Variants in DVL3 observed in about 807,000 individuals in gnomAD.
DVL3 encodes segment polarity protein dishevelled homolog DVL-3.
Under a neutral mutation model 67.4 loss-of-function variants are expected in DVL3, and 27 were observed. The ratio of observed to expected loss-of-function variants is 0.40; its 90% CI spans 0.30 to 0.55. DVL3 has a LOEUF of 0.55. Ranked by LOEUF, DVL3 falls within the 20% of genes least tolerant of loss-of-function variation. The pLI is 0.46. For missense variants in DVL3, 819 were observed against 1,021.5 expected (o/e 0.80, Z 2.70); for synonymous variants, 369 against 396.8 (o/e 0.93, Z 0.83).
Position 184,167,846 on chromosome 3 carries a change from G to A in DVL3, c.1331-52G>A. The A allele has an allele frequency of 6.2e-7, 1 of 1,613,416 alleles. No homozygotes were observed. The highest frequency in any genetic ancestry group is 8.5e-7 in the Non-Finnish European group (1 of 1,179,660). On this transcript the variant is annotated intron_variant, in intron 12 of 14. Transcript: ENST00000313143. The surrounding 1 kb of genome is among the most constrained non-coding windows in gnomAD (Gnocchi z 4.6). ...CAGCCTCATAGCTTCTGTGAGGCCA[G>A]ATGAGTCCAAGTCAGATGGGCCTCC...
At position 184,165,237 on chromosome 3, in the gene DVL3, G is replaced by A. The variant is rs1390575696; in HGVS notation, c.693+31G>A. ...GGGTCTGGGAGGCTAGGGATGGGTGGAGGCAGATTGTGAGCCCTTCCTACG... is the reference window on the plus strand; with the variant it reads ...GGGTCTGGGAGGCTAGGGATGGGTGAAGGCAGATTGTGAGCCCTTCCTACG... On this transcript the variant is annotated intron_variant, in intron 6 of 14. Coordinates refer to ENST00000313143, the MANE Select transcript of DVL3 (RefSeq NM_004423.4). The surrounding 1 kb of genome is among the most constrained non-coding windows in gnomAD (Gnocchi z 4.1). 2 of 1,567,476 alleles carry A rather than the reference G, an allele frequency of 1.3e-6. No homozygotes were observed. The highest frequency in any genetic ancestry group is 2.3e-5 in the East Asian group (1 of 44,434).
chr3:184,163,526 T>C lies in DVL3; in HGVS notation c.162-131T>C. 2.3e-6 allele frequency: 2 copies of C among 877,104 alleles called. No homozygotes were observed. The highest frequency in any genetic ancestry group is 1.9e-6 in the Non-Finnish European group (1 of 512,926). The allele number at this position is 877,104 out of a possible 1,614,324, so 54.3% of individuals were successfully genotyped here. On this transcript the variant is annotated intron_variant, in intron 1 of 14. Transcript: ENST00000313143. The surrounding 1 kb of genome is among the most constrained non-coding windows in gnomAD (Gnocchi z 4.5). ...GTCTCTGGGTCTCCCCAACCTCTGC[T>C]TTCATTTGAACAGTCTTGTGCTGGT...
chr3:184,157,025 C>T (rs1006180254), intron 1 of DVL3: 4 of 157,796 alleles, frequency 2.5e-5, no homozygotes, highest in African/African-American at 9.6e-5. Flanking sequence ...TTGCTGTCAC[C>T]TTCTGCCCTG....
intron 1 of DVL3, among the ~76,000 whole-genome samples, chr3:184,161,439 C>T (rs565023461): frequency 1.3e-5 from 2 of 151,434 alleles, no homozygotes; most frequent in African/African-American, 4.8e-5. Flanking sequence ...AAAAAAAAAA[C>T]CAAAGAACAA....
chr3:184,170,991 C>T lies in DVL3; in HGVS notation c.*236C>T, dbSNP rs567955860. 97 of 1,490,722 alleles carry T rather than the reference C, an allele frequency of 6.5e-5. No homozygotes were observed. The highest frequency in any genetic ancestry group is 8.0e-5 in the Non-Finnish European group (90 of 1,118,254). 92.3% of individuals were successfully genotyped at this position (1,490,722 alleles called of 1,614,324 possible). On this transcript the variant is annotated 3_prime_UTR_variant, in exon 15 of 15. Transcript: ENST00000313143. The surrounding 1 kb of genome is among the most constrained non-coding windows in gnomAD (Gnocchi z 6.5). Reference sequence around the variant, plus strand: ...CGTTTCCTCTGCCCACTAATCCCTGCGCAGGACTTCCCAGGACCCCTTTTG... The same window carrying T: ...CGTTTCCTCTGCCCACTAATCCCTGTGCAGGACTTCCCAGGACCCCTTTTG...
Position 184,170,807 on chromosome 3 carries a change from C to T in DVL3, c.*52C>T. 6.2e-7 allele frequency: 1 copy of T among 1,604,050 alleles called. No homozygotes were observed. The highest frequency in any genetic ancestry group is 8.5e-7 in the Non-Finnish European group (1 of 1,175,720). On this transcript the variant is annotated 3_prime_UTR_variant, in exon 15 of 15. Coordinates refer to ENST00000313143, the MANE Select transcript of DVL3 (RefSeq NM_004423.4). This position sits in a 1 kb window ranked among gnomAD's most constrained non-coding sequence, Gnocchi z 6.5. ...CGCTCCCACCCCAGCCGGCTGCGTT[C>T]CTCTCTCCATCCGTCCGTCTTTTTT...
intron 1 of DVL3, among the ~76,000 whole-genome samples, chr3:184,160,236 C>G (rs1383674283): frequency 6.6e-6 from 1 of 152,050 alleles, no homozygotes; most frequent in East Asian, 1.9e-4. Context: ...CAGGCCTGAG[C>G]CACCGTGCCC....
intron 13 of DVL3, among the ~76,000 whole-genome samples, chr3:184,169,420 C>T (rs540780804): frequency 1.3e-5 from 2 of 152,238 alleles, no homozygotes; most frequent in Admixed American, 6.5e-5. Flanking sequence ...GCAGGCCGGG[C>T]GCAGTGGCTC....
intron 1 of DVL3, among the ~76,000 whole-genome samples, chr3:184,158,959 A>AGAGAT (rs1181950134): frequency 2.0e-5 from 3 of 151,668 alleles, no homozygotes; most frequent in African/African-American, 7.3e-5. Context: ...TATTTTTGGT[A>AGAGAT]GAGATGGGGT....
Position 184,170,051 on chromosome 3 carries a change from C to A in DVL3, c.1544C>A (p.Ala515Asp). Residue 515 changes from alanine (A) to aspartate (D), a missense_variant, in exon 14 of 15, where the codon GCC becomes GAC. Around this residue, in one of 3 missense-constraint regions of DVL3, gnomAD observed 324 missense variants for 331.3 expected, o/e 0.98. Coordinates refer to ENST00000313143, the MANE Select transcript of DVL3 (RefSeq NM_004423.4). The surrounding 1 kb of genome is among the most constrained non-coding windows in gnomAD (Gnocchi z 6.5). ...CACGATCACGATGGCTCCAGTGGCG[C>A]CTCTGACCAGGACACACTGGCCCCT... ...SLHDHDGSSG[A>D]SDQDTLAPLP... 6.2e-6 allele frequency: 10 copies of A among 1,613,476 alleles called. No homozygotes were observed. The highest frequency in any genetic ancestry group is 8.5e-6 in the Non-Finnish European group (10 of 1,179,662).
At chr3:184,162,057 C>A (rs1714399652) in intron 1 of DVL3, among the ~76,000 whole-genome samples, 1 of 152,116 alleles carries the variant, frequency 6.6e-6, no homozygotes, top group Non-Finnish European at 1.5e-5. Flanking sequence ...ACCTATTGAG[C>A]CTAGTTTCCC....
chr3:184,163,515 C>A lies in DVL3; in HGVS notation c.162-142C>A. On this transcript the variant is annotated intron_variant, in intron 1 of 14. Coordinates refer to ENST00000313143, the MANE Select transcript of DVL3 (RefSeq NM_004423.4). The surrounding 1 kb of genome is among the most constrained non-coding windows in gnomAD (Gnocchi z 4.5). ...GCCAAAGAGCTGTCTCTGGGTCTCC[C>A]CAACCTCTGCTTTCATTTGAACAGT... 1 of 830,592 alleles carries A rather than the reference C, an allele frequency of 1.2e-6. No homozygotes were observed. Among genetic ancestry groups the A allele is most frequent in the Non-Finnish European group, 2.1e-6 (1 of 477,986 alleles). 51.5% of individuals were successfully genotyped at this position (830,592 alleles called of 1,614,324 possible). A position where few individuals can be genotyped will look rare whatever the true frequency, so the allele number is the denominator to read the frequency against.
rs1374784484 is a variant in DVL3, at chr3:184,170,781, C to T, written c.*26C>T. ...GCAGGGCCCCTCCCCCAGCTCCATT[C>T]CGCTCCCACCCCAGCCGGCTGCGTT... On this transcript the variant is annotated 3_prime_UTR_variant, in exon 15 of 15. Transcript: ENST00000313143. The surrounding 1 kb of genome is among the most constrained non-coding windows in gnomAD (Gnocchi z 6.5). 6.2e-7 allele frequency: 1 copy of T among 1,610,906 alleles called. No homozygotes were observed. The highest frequency in any genetic ancestry group is 8.5e-7 in the Non-Finnish European group (1 of 1,179,028).
In DVL3 at chr3:184,173,352, CTCTACTT is replaced by C. The variant is rs141406009; in HGVS notation, c.*2599_*2605del. 1 of 152,386 alleles carries C rather than the reference CTCTACTT, an allele frequency of 6.6e-6. No individual in the cohort carries two copies. Among genetic ancestry groups the C allele is most frequent in the Non-Finnish European group, 1.5e-5 (1 of 68,054 alleles). 9.4% of individuals were successfully genotyped at this position (152,386 alleles called of 1,614,324 possible). A position where few individuals can be genotyped will look rare whatever the true frequency, so the allele number is the denominator to read the frequency against. On this transcript the variant is annotated 3_prime_UTR_variant, in exon 15 of 15. Transcript: ENST00000313143. ...TTGAATTTGGCCCTCCCTCTCCCCT[CTCTACTT>C]TAATTCATTGGAGCATGGGATTTGG...
Position 184,170,810 on chromosome 3 carries a change from C to T in DVL3, c.*55C>T, listed in dbSNP as rs898067068. 4 of 1,601,506 alleles carry T rather than the reference C, an allele frequency of 2.5e-6. No individual in the cohort carries two copies. Among genetic ancestry groups the T allele is most frequent in the South Asian group, 1.1e-5 (1 of 89,790 alleles). ...TCCCACCCCAGCCGGCTGCGTTCCT[C>T]TCTCCATCCGTCCGTCTTTTTTACT... On this transcript the variant is annotated 3_prime_UTR_variant, in exon 15 of 15. Coordinates refer to ENST00000313143, the MANE Select transcript of DVL3 (RefSeq NM_004423.4). The surrounding 1 kb of genome is among the most constrained non-coding windows in gnomAD (Gnocchi z 6.5).
chr3:184,170,017 C>G lies in DVL3; in HGVS notation c.1510C>G (p.Leu504Val). The change falls in exon 14 of 15, where the codon CTG becomes GTG. Residue 504 changes from leucine (L) to valine (V), a missense_variant. Leu to Val is a conservative substitution (Grantham distance 32). This residue lies in a region of DVL3 where 324 missense variants were observed against 331.3 expected (regional missense o/e 0.98). Transcript: ENST00000313143. This position sits in a 1 kb window ranked among gnomAD's most constrained non-coding sequence, Gnocchi z 6.5. The part of the protein sequence containing the change: ...FGDLCGNMAN[L>V]SLHDHDGSSG... Reference sequence around the variant, plus strand: ...CCTCCCCTTCACAGACATGGCCAACCTGTCTCTCCACGATCACGATGGCTC... The same window carrying G: ...CCTCCCCTTCACAGACATGGCCAACGTGTCTCTCCACGATCACGATGGCTC... 6.2e-7 allele frequency: 1 copy of G among 1,606,486 alleles called. No homozygotes were observed. Among genetic ancestry groups the G allele is most frequent in the Non-Finnish European group, 8.5e-7 (1 of 1,174,748 alleles).
Position 184,166,482 on chromosome 3 carries a change from G to A in DVL3, c.940G>A (p.Asp314Asn), listed in dbSNP as rs565307746. ...EINFENMSND[D>N]AVRVLREIVH... is the part of the protein sequence containing the mutation. Reference sequence around the variant, plus strand: ...CAACTTTGAGAACATGAGTAATGACGATGCAGTCCGGGTACTGCGGGAGAT... The same window carrying A: ...CAACTTTGAGAACATGAGTAATGACAATGCAGTCCGGGTACTGCGGGAGAT... The change falls in exon 9 of 15, where the codon GAT becomes AAT. Residue 314 changes from aspartate (D) to asparagine (N), a missense_variant. Around this residue, in one of 3 missense-constraint regions of DVL3, gnomAD observed 385 missense variants for 486.8 expected, o/e 0.79. Coordinates refer to ENST00000313143, the MANE Select transcript of DVL3 (RefSeq NM_004423.4). The surrounding 1 kb of genome is among the most constrained non-coding windows in gnomAD (Gnocchi z 6.7). 2 of 1,614,126 alleles carry A rather than the reference G, an allele frequency of 1.2e-6. No homozygotes were observed. The highest frequency in any genetic ancestry group is 2.2e-5 in the East Asian group (1 of 44,878).
chr3:184,168,790 G>C (rs1451000655), intron 13 of DVL3, among the ~76,000 whole-genome samples: 3 of 152,236 alleles, frequency 2.0e-5, no homozygotes, highest in Non-Finnish European at 4.4e-5. Flanking sequence ...GGGTGTCCCA[G>C]GCAGGTATTC....
chr3:184,156,974 C>A, intron 1 of DVL3: 1 of 161,118 alleles, frequency 6.2e-6, no homozygotes, highest in South Asian at 1.6e-4. Context: ...GCCCACCTAG[C>A]ACTAGGAAGC....
Sources: gnomAD v4.1 joint callset for allele counts (sites outside exome capture counted in the v4.1 genomes callset) on GRCh38, gnomAD v4.1.1 for gene constraint, gnomAD v4.1.1 regional missense constraint, Gnocchi (gnomAD v3.1) non-coding constraint, MANE v1.5 for transcripts, NCBI Gene and HGNC (gene_info 2026-07-23, HGNC 2026-07-21) for gene names.